GPAM: variants seen among roughly 807,000 people sequenced by gnomAD.
GPAM encodes glycerol-3-phosphate acyltransferase 1, mitochondrial.
A neutral mutation model predicts 105.0 loss-of-function variants in GPAM; 56 were observed. The observed-to-expected ratio is 0.53, with a 90% confidence interval of 0.43 to 0.67. The LOEUF is 0.67. GPAM is among the 30% of genes least tolerant of loss of function. The probability of loss-of-function intolerance (pLI) is 0.00; values close to 1 mark genes in which losing one functional copy is unlikely to be tolerated. For synonymous variants in GPAM, 368 were observed against 354.4 expected (o/e 1.04, Z -0.43); for missense variants, 855 against 989.8 (o/e 0.86, Z 1.83).
rs764256271 is a variant in GPAM, at chr10:112,164,569, T to C, written c.1263A>G (p.Leu421=). The C allele has an allele frequency of 1.5e-5, 24 of 1,607,986 alleles. No homozygotes were observed. The highest frequency in any genetic ancestry group is 1.7e-5 in the Non-Finnish European group (20 of 1,174,668). ...ESQSQKPVSA[L]LSLEQALLPA... ...GTAACAACGCTTGCTCCAGGGAAAG[T>C]AGAGCAGACACCGGTTTCTGACTTT... The change falls in exon 13 of 22, where the codon CTA becomes CTG. Residue 421 remains leucine, a synonymous_variant. Transcript: ENST00000348367.
chr10:112,218,717 T>A (rs1589616364), upstream of GPAM, among the ~76,000 whole-genome samples: 1 of 152,206 alleles, frequency 6.6e-6, no homozygotes, highest in South Asian at 2.1e-4. Flanking sequence ...AGGGATGGAT[T>A]ATTCACAAAT....
chr10:112,208,835 T>C (rs77147606), intron 1 of GPAM, among the ~76,000 whole-genome samples: 2,409 of 152,310 alleles, frequency 0.016, 64 homozygotes, highest in African/African-American at 0.055. Flanking sequence ...GCAGGAAGGA[T>C]AGACTCTCAA....
chr10:112,155,059 C>A, intron 20 of GPAM: 1 of 295,802 alleles, frequency 3.4e-6, no homozygotes, highest in Non-Finnish European at 6.5e-6. Flanking sequence ...CCCAGTGGTA[C>A]ACAGATGATT....
intron 21 of GPAM, 73 bp downstream of exon 21, chr10:112,154,556 T>C: frequency 9.1e-7 from 1 of 1,102,604 alleles, no homozygotes; most frequent in Admixed American, 1.7e-5. Flanking sequence ...ACCACAAAGG[T>C]AGCTCAAACA....
At chr10:112,183,021 T>C (rs1038384437) in intron 1 of GPAM, 130 bp from the exon 2 acceptor site, 2 of 152,206 alleles carry the variant, frequency 1.3e-5, no homozygotes, top group Non-Finnish European at 2.9e-5. Context: ...AAAGAAGCAA[T>C]ATCCCAGAGG....
chr10:112,175,594 C>A lies in GPAM; in HGVS notation c.413+6G>T. 6.7e-7 allele frequency: 1 copy of A among 1,497,626 alleles called. No individual in the cohort carries two copies. The highest frequency in any genetic ancestry group is 9.3e-7 in the Non-Finnish European group (1 of 1,073,502). The allele number at this position is 1,497,626 out of a possible 1,614,324, so 92.8% of individuals were successfully genotyped here. ...TTCCCACCTTTACACCTTGCCCCGC[C>A]CTTACCTACTGCTGTTCAGCACATT... On this transcript the variant is annotated splice_donor_region_variant and intron_variant, in intron 6 of 21. Coordinates refer to ENST00000348367, the MANE Select transcript of GPAM (RefSeq NM_001244949.2).
At chr10:112,196,388 A>G (rs1847724608) in intron 1 of GPAM, among the ~76,000 whole-genome samples, 1 of 152,246 alleles carries the variant, frequency 6.6e-6, no homozygotes, top group Admixed American at 6.5e-5. Context: ...GAAATTTAGA[A>G]TTTTTAGAAC....
At chr10:112,153,711 T>TA (rs3216019) in intron 21 of GPAM, 45 bp from the exon 22 acceptor site, 33 of 1,596,674 alleles carry the variant, frequency 2.1e-5, no homozygotes, top group Middle Eastern at 2.1e-4. Context: ...AAATAAAAAA[T>TA]AAAAAAAATT....
intron 18 of GPAM, among the ~76,000 whole-genome samples, chr10:112,157,883 T>C (rs1847045753): frequency 6.6e-6 from 1 of 152,200 alleles, no homozygotes; most frequent in African/African-American, 2.4e-5. Flanking sequence ...ATTCTCCCCA[T>C]TCTTATTTTT....
Position 112,158,404 on chromosome 10 carries a change from A to T in GPAM, c.1903-11T>A, listed in dbSNP as rs1351623990. On this transcript the variant is annotated splice_polypyrimidine_tract_variant and intron_variant, in intron 17 of 21. Coordinates refer to ENST00000348367, the MANE Select transcript of GPAM (RefSeq NM_001244949.2). ...AAATGTCTGGCAAGGCTGAAAAGAA[A>T]ATTCATTTAAATATAAATGCCACCA... 2 of 1,511,474 alleles carry T rather than the reference A, an allele frequency of 1.3e-6. No individual in the cohort carries two copies. The highest frequency in any genetic ancestry group is 1.8e-6 in the Non-Finnish European group (2 of 1,086,256). 93.6% of individuals were successfully genotyped at this position (1,511,474 alleles called of 1,614,324 possible).
chr10:112,209,691 TCA>T (rs1444600324), intron 1 of GPAM, among the ~76,000 whole-genome samples: 2 of 152,160 alleles, frequency 1.3e-5, no homozygotes, highest in African/African-American at 2.4e-5. Context: ...CCCCTGTTCC[TCA>T]CAGTCACTTT....
At position 112,151,490 on chromosome 10, in the gene GPAM, T is replaced by C; in HGVS notation, c.*2060A>G. On this transcript the variant is annotated 3_prime_UTR_variant, in exon 22 of 22. Coordinates refer to ENST00000348367, the MANE Select transcript of GPAM (RefSeq NM_001244949.2). ...TTACAAAAAGCATGCATATTTATCC[T>C]CACAGTGAGTTAAGTGGTGAGAGAG... is the stretch of plus-strand genomic sequence containing the variant. The C allele has an allele frequency of 6.1e-6, 6 of 985,842 alleles. No individual in the cohort carries two copies. The highest frequency in any genetic ancestry group is 7.2e-6 in the Non-Finnish European group (6 of 829,902). The allele number at this position is 985,842 out of a possible 1,614,324, so 61.1% of individuals were successfully genotyped here. A position where few individuals can be genotyped will look rare whatever the true frequency, so the allele number is the denominator to read the frequency against.
intron 4 of GPAM, 106 bp downstream of exon 4, chr10:112,180,367 G>A: frequency 9.7e-7 from 1 of 1,029,546 alleles, no homozygotes; most frequent in Admixed American, 1.8e-5. Context: ...CATAAACATG[G>A]GTCTCTGTTC....
At chr10:112,180,240 T>C (rs962815702) in intron 4 of GPAM, among the ~76,000 whole-genome samples, 2 of 152,222 alleles carry the variant, frequency 1.3e-5, no homozygotes, top group Admixed American at 1.3e-4. Context: ...CTTAAAATCC[T>C]ACTAAAACCT....
At chr10:112,217,890 T>C (rs965207023), upstream of GPAM, among the ~76,000 whole-genome samples, 1 of 152,206 alleles carries the variant, frequency 6.6e-6, no homozygotes, top group Non-Finnish European at 1.5e-5. Context: ...ACATATTCAG[T>C]CTTGGCTTCC....
chr10:112,167,620 CAT>C lies in GPAM; in HGVS notation c.1107+690_1107+691del, dbSNP rs1415115948. On this transcript the variant is annotated intron_variant, in intron 11 of 21. Transcript: ENST00000348367. ...AAGGAAACCAGATGCGTACAGACCA[CAT>C]GTTATCCAATTTACGTAAGTGCAAA... is the stretch of plus-strand genomic sequence containing the variant. Among the ~76,000 whole-genome samples, 6 of 152,326 alleles carry C rather than the reference CAT, an allele frequency of 3.9e-5. 1 individual carries two copies. The highest frequency in any genetic ancestry group is 5.9e-5 in the Non-Finnish European group (4 of 68,032).
chr10:112,153,619 G>A lies in GPAM; in HGVS notation c.2418C>T (p.Ser806=). 6.2e-7 allele frequency: 1 copy of A among 1,613,420 alleles called. No homozygotes were observed. The highest frequency in any genetic ancestry group is 8.5e-7 in the Non-Finnish European group (1 of 1,179,466). The part of the protein sequence containing the change: ...KQKRVSVLEL[S]STFLPQCNRQ... The stretch of plus-strand genomic sequence containing the variant: ...GGTTGCATTGAGGTAGAAAAGTGCT[G>A]CTCAGTTCTAAAACAGACACTCTCT... The change falls in exon 22 of 22, where the codon AGC becomes AGT. Residue 806 remains serine, a synonymous_variant. Transcript: ENST00000348367.
chr10:112,156,569 G>A (rs1847021542), intron 19 of GPAM: 2 of 182,304 alleles, frequency 1.1e-5, no homozygotes, highest in Non-Finnish European at 2.3e-5. Flanking sequence ...TTATGGCCGA[G>A]AGGCTCTCAC....
upstream of GPAM, among the ~76,000 whole-genome samples, chr10:112,216,606 TA>T (rs1288483000): frequency 1.3e-5 from 2 of 150,316 alleles, no homozygotes; most frequent in Non-Finnish European, 3.0e-5. Context: ...TCTCCTTTTT[TA>T]TTTTTATTAA....
Sources: gnomAD v4.1 joint callset for allele counts (sites outside exome capture counted in the v4.1 genomes callset) on GRCh38, gnomAD v4.1.1 for gene constraint, MANE v1.5 for transcripts, NCBI Gene and HGNC (gene_info 2026-07-23, HGNC 2026-07-21) for gene names.